Variants in EPHB1 observed in about 807,000 individuals in gnomAD.
EPHB1 encodes the protein ephrin type-B receptor 1.
EPHB1 carries 30 observed loss-of-function variants against 94.4 expected under a neutral mutation model. The observed-to-expected ratio is 0.32, with a 90% confidence interval of 0.24 to 0.43. The LOEUF (loss-of-function observed/expected upper bound fraction) is 0.43, where lower values mean the gene tolerates loss of function less well. Ranked by LOEUF, EPHB1 falls within the 20% of genes least tolerant of loss-of-function variation. The pLI, the probability that EPHB1 is intolerant of heterozygous loss-of-function variation, is 1.00. For synonymous variants in EPHB1, 522 were observed against 489.1 expected, an observed-to-expected ratio of 1.07 and a Z score of -0.89; for missense variants, 1,055 against 1,308.3, an observed-to-expected ratio of 0.81 and a Z score of 2.99.
At chr3:134,914,272 A>G (rs2038517842) in intron 1 of EPHB1, among the ~76,000 whole-genome samples, 1 of 152,242 alleles carries the variant, frequency 6.6e-6, no homozygotes, top group South Asian at 2.1e-4. Context: ...ACGTGGAAAC[A>G]TAACAATGAC....
At chr3:134,821,670 G>A (rs1244423258) in intron 1 of EPHB1, among the ~76,000 whole-genome samples, 1 of 152,186 alleles carries the variant, frequency 6.6e-6, no homozygotes, top group African/African-American at 2.4e-5. Flanking sequence ...CAAACCATAG[G>A]CGATGAAGGG....
intron 10 of EPHB1, among the ~76,000 whole-genome samples, chr3:135,184,092 T>G (rs1046421293): frequency 1.3e-5 from 2 of 152,184 alleles, no homozygotes; most frequent in Non-Finnish European, 2.9e-5. Flanking sequence ...GTGACTAAGC[T>G]TATCCAAACT....
intron 4 of EPHB1, among the ~76,000 whole-genome samples, chr3:135,116,364 A>G (rs1939709695): frequency 6.6e-6 from 1 of 152,206 alleles, no homozygotes; most frequent in South Asian, 2.1e-4. Flanking sequence ...AAATCTGTGT[A>G]CAACCTGTGC....
intron 3 of EPHB1, among the ~76,000 whole-genome samples, chr3:135,018,164 G>A (rs1242305367): frequency 6.6e-6 from 1 of 152,052 alleles, no homozygotes; most frequent in East Asian, 1.9e-4. Flanking sequence ...CAAAATGCAG[G>A]GTGCTTGTAC....
intron 6 of EPHB1, among the ~76,000 whole-genome samples, chr3:135,161,330 G>A (rs1217207212): frequency 1.3e-5 from 2 of 152,126 alleles, no homozygotes; most frequent in East Asian, 1.9e-4. Context: ...GAGGACACAG[G>A]GGCTGCTCTG....
intron 15 of EPHB1, among the ~76,000 whole-genome samples, chr3:135,257,378 T>G (rs1422944378): frequency 6.6e-6 from 1 of 151,938 alleles, no homozygotes; most frequent in African/African-American, 2.4e-5. Context: ...ATGATGGTGA[T>G]GTACAGATGG....
At chr3:135,157,540 T>C (rs1314657766) in intron 6 of EPHB1, among the ~76,000 whole-genome samples, 1 of 152,228 alleles carries the variant, frequency 6.6e-6, no homozygotes, top group South Asian at 2.1e-4. Context: ...AGCAGCCCAA[T>C]GCCTGCAGCA....
intron 4 of EPHB1, among the ~76,000 whole-genome samples, chr3:135,114,050 C>A (rs1939574809): frequency 6.6e-6 from 1 of 152,334 alleles, no homozygotes; most frequent in Admixed American, 6.5e-5. Context: ...CCACATGTGG[C>A]AGCCACTAAA....
intron 11 of EPHB1, among the ~76,000 whole-genome samples, chr3:135,199,233 A>G (rs191707552): frequency 7.9e-5 from 12 of 152,342 alleles, no homozygotes; most frequent in Non-Finnish European, 1.8e-4. Flanking sequence ...TTGAAAAAAT[A>G]CAATCCATGT....
chr3:135,078,833 C>T (rs557732257), intron 3 of EPHB1, among the ~76,000 whole-genome samples: 3 of 152,314 alleles, frequency 2.0e-5, no homozygotes, highest in East Asian at 1.9e-4. Flanking sequence ...TTTTTGTGCA[C>T]GTACTATGTG....
At chr3:134,933,872 C>T (rs2038950587) in intron 2 of EPHB1, among the ~76,000 whole-genome samples, 1 of 152,128 alleles carries the variant, frequency 6.6e-6, no homozygotes, top group South Asian at 2.1e-4. Context: ...TTTCTTTTTT[C>T]TCACGGTAAG....
At chr3:134,920,456 G>A (rs1172520702) in intron 1 of EPHB1, among the ~76,000 whole-genome samples, 5 of 152,132 alleles carry the variant, frequency 3.3e-5, no homozygotes, top group South Asian at 2.1e-4. Flanking sequence ...GTACGGTGGC[G>A]CTAGCCCTGT....
chr3:134,992,705 C>CG (rs1559786216), intron 3 of EPHB1, among the ~76,000 whole-genome samples: 1 of 151,864 alleles, frequency 6.6e-6, no homozygotes, highest in Non-Finnish European at 1.5e-5. Context: ...GGGGAGGAGA[C>CG]GGGGAGCCTT....
chr3:134,833,614 A>G (rs2036616913), intron 1 of EPHB1, among the ~76,000 whole-genome samples: 1 of 152,188 alleles, frequency 6.6e-6, no homozygotes, highest in Non-Finnish European at 1.5e-5. Flanking sequence ...GATGATGACA[A>G]TTCAGTGTGA....
At chr3:135,247,101 GTTTAT>G (rs927716407) in intron 13 of EPHB1, among the ~76,000 whole-genome samples, 93 of 152,198 alleles carry the variant, frequency 6.1e-4, no homozygotes, top group African/African-American at 3.6e-4. Context: ...TGCTTTAACT[GTTTAT>G]TTTAATATAA....
intron 3 of EPHB1, among the ~76,000 whole-genome samples, chr3:134,962,215 C>T (rs879817943): frequency 3.4e-4 from 51 of 152,170 alleles, no homozygotes; most frequent in Non-Finnish European, 2.9e-5. Flanking sequence ...TTACCATTTG[C>T]ATTTGACTTT....
chr3:134,804,069 CTATTTTTTTTT>C (rs2035986304), intron 1 of EPHB1, among the ~76,000 whole-genome samples: 1 of 51,808 alleles, frequency 1.9e-5, no homozygotes, highest in Non-Finnish European at 3.5e-5. Context: ...TCATTATTGG[CTATTTTTTTTT>C]TTTTTTTTTT....
At chr3:134,827,154 T>G (rs1433870203) in intron 1 of EPHB1, among the ~76,000 whole-genome samples, 1 of 152,214 alleles carries the variant, frequency 6.6e-6, no homozygotes. Context: ...TTATGCCCAT[T>G]TTATAGATGA....
rs1212086644 is a variant in EPHB1, at chr3:135,025,553, A to C, written c.805+73501A>C. On this transcript the variant is annotated intron_variant, in intron 3 of 15. Transcript: ENST00000398015. ...AAAGGACATGAACTCATCATTTTTTATGGCTGCATAGTATTCCATGGTGTA... is the reference window on the plus strand; with the variant it reads ...AAAGGACATGAACTCATCATTTTTTCTGGCTGCATAGTATTCCATGGTGTA... 9.0e-4 allele frequency among the ~76,000 whole-genome samples: 47 copies of C among 52,502 alleles called. 9 individuals carry two copies. Among genetic ancestry groups the C allele is most frequent in the African/African-American group, 2.1e-3 (44 of 21,244 alleles). The allele number at this position is 52,502 out of a possible 152,430, so 34.4% of individuals were successfully genotyped here.
Sources: gnomAD v4.1 joint callset for allele counts (sites outside exome capture counted in the v4.1 genomes callset) on GRCh38, gnomAD v4.1.1 for gene constraint, MANE v1.5 for transcripts, NCBI Gene and HGNC (gene_info 2026-07-23, HGNC 2026-07-21) for gene names.